Variants in UNC5A observed in about 807,000 individuals in gnomAD.
The protein encoded by UNC5A is netrin receptor UNC5A.
UNC5A carries 20 observed loss-of-function variants against 87.4 expected under a neutral mutation model. The ratio of observed to expected loss-of-function variants is 0.23; its 90% CI spans 0.16 to 0.33. The LOEUF (loss-of-function observed/expected upper bound fraction) is 0.33, where lower values mean the gene tolerates loss of function less well. Ranked by LOEUF, UNC5A falls within the 10% of genes least tolerant of loss-of-function variation. The pLI, the probability that UNC5A is intolerant of heterozygous loss-of-function variation, is 1.00. For synonymous variants in UNC5A, 438 were observed against 482.3 expected (o/e 0.91, Z 1.20); for missense variants, 844 against 1,133.4 (o/e 0.74, Z 3.67).
intron 1 of UNC5A, among the ~76,000 whole-genome samples, chr5:176,853,632 G>T (rs939968408): frequency 6.6e-6 from 1 of 152,198 alleles, no homozygotes; most frequent in Admixed American, 6.5e-5. Flanking sequence ...GTAGGTCGGG[G>T]GAGCAGCCCT....
intron 1 of UNC5A, among the ~76,000 whole-genome samples, chr5:176,860,154 C>T (rs1410022931): frequency 1.3e-5 from 2 of 152,220 alleles, no homozygotes; most frequent in Non-Finnish European, 2.9e-5. Context: ...CACAGGCCAG[C>T]GCATTGTCTA....
In UNC5A at chr5:176,866,311, G is replaced by T. The variant is rs1222618137; in HGVS notation, c.293-1819G>T. 6.6e-6 allele frequency among the ~76,000 whole-genome samples: 1 copy of T among 152,188 alleles called. No homozygotes were observed. Among genetic ancestry groups the T allele is most frequent in the Admixed American group, 6.5e-5 (1 of 15,282 alleles). On this transcript the variant is annotated intron_variant, in intron 2 of 14. Coordinates refer to ENST00000329542, the MANE Select transcript of UNC5A (RefSeq NM_133369.3). The surrounding 1 kb of genome is among the most constrained non-coding windows in gnomAD (Gnocchi z 5.0). ...AGGCACTGCCCTCCAGGAGCTTGTG[G>T]GGCTGAAGGGCACCCCTCACCAAGG...
intron 1 of UNC5A, among the ~76,000 whole-genome samples, chr5:176,859,813 T>G (rs505622): frequency 0.088 from 2,541 of 28,954 alleles, 93 homozygotes; most frequent in Non-Finnish European, 0.27. Flanking sequence ...TTGCTAGAGG[T>G]CATAGCTGCT....
intron 1 of UNC5A, among the ~76,000 whole-genome samples, chr5:176,840,567 T>C (rs552585160): frequency 5.9e-5 from 9 of 152,316 alleles, no homozygotes; most frequent in South Asian, 2.1e-4. Context: ...CTAGGATCCA[T>C]TGGTCCGGAG....
chr5:176,870,173 C>T (rs1281578526), intron 5 of UNC5A, among the ~76,000 whole-genome samples, 197 bp from the exon 6 acceptor site: 1 of 152,196 alleles, frequency 6.6e-6, no homozygotes, highest in African/African-American at 2.4e-5. Flanking sequence ...TCCGCGCCTC[C>T]CTGTCATTAG....
chr5:176,836,583 TCA>T (rs1757153027), intron 1 of UNC5A, among the ~76,000 whole-genome samples: 1 of 151,426 alleles, frequency 6.6e-6, no homozygotes, highest in Non-Finnish European at 1.5e-5. Context: ...CCATAGAAAA[TCA>T]GACTGGCCCA....
intron 1 of UNC5A, among the ~76,000 whole-genome samples, chr5:176,817,285 G>A (rs1368125578): frequency 1.3e-5 from 2 of 151,424 alleles, no homozygotes; most frequent in Non-Finnish European, 1.5e-5. Context: ...TGGGGAGGGG[G>A]TGGGGGGAAG....
rs759722395 is a variant in UNC5A at position 176,868,869 on chromosome 5, G to A, written c.626G>A (p.Arg209Gln). The change falls in exon 5 of 15, where the codon CGA becomes CAA. Residue 209 changes from arginine (R) to glutamine (Q), a missense_variant. Physicochemically the swap from Arg to Gln is conservative, Grantham distance 43 (BLOSUM62 1). This residue lies in a region of UNC5A where 314 missense variants were observed against 466.5 expected (regional missense o/e 0.67). Transcript: ENST00000329542. ...ACGCGGGAGCACAGCCTGGTGGTGC[G>A]ACAGGCCCGCCTTGCTGACACGGCC... is the stretch of plus-strand genomic sequence containing the variant. ...YITREHSLVVRQARLADTANY... is the reference protein window; with the variant it reads ...YITREHSLVVQQARLADTANY... 14 of 1,612,890 alleles carry A rather than the reference G, an allele frequency of 8.7e-6. No homozygotes were observed. Among genetic ancestry groups the A allele is most frequent in the Admixed American group, 5.0e-5 (3 of 60,012 alleles).
At chr5:176,842,140 T>C (rs1757291800) in intron 1 of UNC5A, among the ~76,000 whole-genome samples, 1 of 152,210 alleles carries the variant, frequency 6.6e-6, no homozygotes, top group Non-Finnish European at 1.5e-5. Flanking sequence ...GAGTTTGCAG[T>C]GAGCCGAGAT....
chr5:176,869,097 T>A lies in UNC5A; in HGVS notation c.721+133T>A. 9.7e-7 allele frequency: 1 copy of A among 1,033,672 alleles called. No homozygotes were observed. The highest frequency in any genetic ancestry group is 1.4e-6 in the Non-Finnish European group (1 of 735,782). 64.0% of individuals were successfully genotyped at this position (1,033,672 alleles called of 1,614,324 possible). ...CCAGATCGTGCCTGACTAGGCAGGA[T>A]AAGCAAAGGGCTCTCTGTGACTGCT... On this transcript the variant is annotated intron_variant, in intron 5 of 14. Transcript: ENST00000329542. This position sits in a 1 kb window ranked among gnomAD's most constrained non-coding sequence, Gnocchi z 9.1.
chr5:176,840,834 A>C (rs538206169), intron 1 of UNC5A, among the ~76,000 whole-genome samples: 1 of 152,378 alleles, frequency 6.6e-6, no homozygotes, highest in South Asian at 2.1e-4. Context: ...CCACGCTGAC[A>C]GCCCTGGAAA....
At position 176,878,145 on chromosome 5, in the gene UNC5A, C is replaced by T. The variant is rs1360268554; in HGVS notation, c.1869+18C>T. On this transcript the variant is annotated intron_variant, in intron 11 of 14. Coordinates refer to ENST00000329542, the MANE Select transcript of UNC5A (RefSeq NM_133369.3). ...CACTCAAGGTATCTCCCGCCCCTCA[C>T]CCCCCGCCGCTGGGAGGCCGAGCTA... The T allele has an allele frequency of 1.2e-6, 2 of 1,603,552 alleles. No homozygotes were observed. Among genetic ancestry groups the T allele is most frequent in the Non-Finnish European group, 1.7e-6 (2 of 1,177,256 alleles).
At chr5:176,829,131 CA>C (rs70991572) in intron 1 of UNC5A, among the ~76,000 whole-genome samples, 70,541 of 89,054 alleles carry the variant, frequency 0.79, 29,628 homozygotes, top group Non-Finnish European at 0.93. Context: ...GACTCCATCT[CA>C]AAAAAAAAAA....
intron 1 of UNC5A, among the ~76,000 whole-genome samples, chr5:176,839,797 C>A (rs73340087): frequency 6.7e-6 from 1 of 149,794 alleles, no homozygotes. Context: ...TGTGGCTTCA[C>A]GGCCACTTCC....
Position 176,877,765 on chromosome 5 carries a change from GCCT to G in UNC5A, c.1635+63_1635+65del, listed in dbSNP as rs1346532075. The G allele has an allele frequency of 4.6e-6, 7 of 1,528,934 alleles. No homozygotes were observed. In the African/African-American group the frequency reaches 9.6e-5, roughly 21 times the overall value. The allele number at this position is 1,528,934 out of a possible 1,614,324, so 94.7% of individuals were successfully genotyped here. A position where few individuals can be genotyped will look rare whatever the true frequency, so the allele number is the denominator to read the frequency against. On this transcript the variant is annotated intron_variant, in intron 10 of 14. Coordinates refer to ENST00000329542, the MANE Select transcript of UNC5A (RefSeq NM_133369.3). ...GTGGGCTAACTGCACGCTCCACCCG[GCCT>G]TCCACCGCTGGGTGGTCCTGAGCCG...
At chr5:176,842,410 CAT>C (rs1441946348) in intron 1 of UNC5A, among the ~76,000 whole-genome samples, 1 of 152,112 alleles carries the variant, frequency 6.6e-6, no homozygotes, top group South Asian at 2.1e-4. Flanking sequence ...CTTGCACACA[CAT>C]GTTTATAGCA....
At chr5:176,816,643 TC>T (rs1756594767) in intron 1 of UNC5A, among the ~76,000 whole-genome samples, 1 of 152,242 alleles carries the variant, frequency 6.6e-6, no homozygotes, top group African/African-American at 2.4e-5. Flanking sequence ...ATCCAGCTCC[TC>T]CCTGCATGGC....
At chr5:176,873,616 TG>T (rs1462613138) in intron 6 of UNC5A, among the ~76,000 whole-genome samples, 8 of 152,270 alleles carry the variant, frequency 5.3e-5, no homozygotes, top group African/African-American at 1.9e-4. Flanking sequence ...CAGCCCAAGC[TG>T]CCCTTGTCCC....
chr5:176,817,687 C>T lies in UNC5A; in HGVS notation c.70+6867C>T, dbSNP rs908386776. 3.3e-5 allele frequency among the ~76,000 whole-genome samples: 5 copies of T among 152,086 alleles called. No individual in the cohort carries two copies. In the South Asian group the frequency reaches 1.0e-3, roughly 32 times the overall value. On this transcript the variant is annotated intron_variant, in intron 1 of 14. Coordinates refer to ENST00000329542, the MANE Select transcript of UNC5A (RefSeq NM_133369.3). ...GCCCCGCTGTCTAGGTAGCTTGGTA[C>T]GCGAGGGCCCTTAGGCCGGCGGATC...
Sources: allele counts gnomAD v4.1 joint callset (sites outside exome capture counted in the v4.1 genomes callset), GRCh38; gene constraint gnomAD v4.1.1; regional missense constraint gnomAD v4.1.1; non-coding constraint Gnocchi (gnomAD v3.1); transcripts MANE v1.5; gene names NCBI Gene and HGNC (gene_info 2026-07-23, HGNC 2026-07-21).